Variants in ATRNL1 observed in about 807,000 individuals in gnomAD.
The protein encoded by ATRNL1 is attractin like 1, also known as attractin-like protein 1.
In ATRNL1, 95 loss-of-function variants were observed where a neutral mutation model predicts 182.7. The observed-to-expected ratio is 0.52, with a 90% confidence interval of 0.44 to 0.62. ATRNL1 has a LOEUF of 0.62. Ranked by LOEUF, ATRNL1 falls within the 20% of genes least tolerant of loss-of-function variation. ATRNL1 has a pLI of 0.00. For missense variants in ATRNL1, 1,471 were observed against 1,679.5 expected, an observed-to-expected ratio of 0.88 and a Z score of 2.17; for synonymous variants, 576 against 568.3, an observed-to-expected ratio of 1.01 and a Z score of -0.19.
intron 27 of ATRNL1, among the ~76,000 whole-genome samples, chr10:115,824,292 G>C (rs1950373840): frequency 1.3e-5 from 2 of 152,140 alleles, no homozygotes; most frequent in Non-Finnish European, 2.9e-5. Context: ...ATGGATTAAA[G>C]ACTTAAACAT....
At position 115,640,459 on chromosome 10, in the gene ATRNL1, G is replaced by A. The variant is rs187157415; in HGVS notation, c.3796-86789G>A. Among the ~76,000 whole-genome samples, 505 of 152,238 alleles carry A rather than the reference G, an allele frequency of 3.3e-3. 1 individual carries two copies. Among genetic ancestry groups the A allele is most frequent in the Non-Finnish European group, 5.2e-3 (356 of 68,018 alleles). ...CTCTGTTGTTTCCTGACTTTTTAGTGATCGCCATTCAAACTGGCATGAGAT... is the reference window on the plus strand; with the variant it reads ...CTCTGTTGTTTCCTGACTTTTTAGTAATCGCCATTCAAACTGGCATGAGAT... On this transcript the variant is annotated intron_variant, in intron 26 of 28. Coordinates refer to ENST00000355044, the MANE Select transcript of ATRNL1 (RefSeq NM_207303.4).
chr10:115,596,672 T>C (rs924485537), intron 26 of ATRNL1, among the ~76,000 whole-genome samples: 9 of 152,186 alleles, frequency 5.9e-5, no homozygotes, highest in African/African-American at 1.9e-4. Context: ...TAGGACAGTA[T>C]TGGAAACCCG....
intron 28 of ATRNL1, among the ~76,000 whole-genome samples, chr10:115,873,832 TATTA>T (rs1262844895): frequency 6.6e-6 from 1 of 152,212 alleles, no homozygotes; most frequent in African/African-American, 2.4e-5. Flanking sequence ...TGAGTGACTT[TATTA>T]ATTTTAGTGT....
chr10:115,637,603 C>CTATTATTATTATTATTAT (rs3087071), intron 26 of ATRNL1, among the ~76,000 whole-genome samples: 100 of 141,816 alleles, frequency 7.1e-4, no homozygotes, highest in Admixed American at 3.2e-3. Flanking sequence ...CAATTTATTA[C>CTATTATTATTATTATTAT]TATTATTATT....
chr10:115,527,421 A>G (rs1851279938), intron 25 of ATRNL1, among the ~76,000 whole-genome samples: 1 of 152,152 alleles, frequency 6.6e-6, no homozygotes, highest in African/African-American at 2.4e-5. Flanking sequence ...GTCCCCAGCC[A>G]GAGAAGTATA....
At chr10:115,286,080 T>G (rs1852598102) in intron 14 of ATRNL1, 136 bp from the exon 15 acceptor site, 1 of 530,790 alleles carries the variant, frequency 1.9e-6, no homozygotes, top group Admixed American at 3.7e-5. Context: ...TAGAAAAATT[T>G]ATTTGAAATA....
At chr10:115,606,029 G>T (rs1163984186) in intron 26 of ATRNL1, among the ~76,000 whole-genome samples, 4 of 151,894 alleles carry the variant, frequency 2.6e-5, no homozygotes, top group Non-Finnish European at 4.4e-5. Context: ...GAAAATTAAG[G>T]ATATTTTTAT....
At chr10:115,656,504 G>T (rs1349220821) in intron 26 of ATRNL1, among the ~76,000 whole-genome samples, 1 of 152,182 alleles carries the variant, frequency 6.6e-6, no homozygotes, top group Non-Finnish European at 1.5e-5. Context: ...GGGTGTGTGT[G>T]TGAGTGCGCC....
intron 27 of ATRNL1, among the ~76,000 whole-genome samples, chr10:115,748,038 G>A (rs1358547022): frequency 2.0e-5 from 3 of 151,978 alleles, no homozygotes; most frequent in Non-Finnish European, 4.4e-5. Flanking sequence ...TGAATTTGGG[G>A]GAGGATACAA....
intron 27 of ATRNL1, among the ~76,000 whole-genome samples, chr10:115,768,439 C>G (rs148655156): frequency 1.6e-4 from 24 of 152,200 alleles, no homozygotes; most frequent in Admixed American, 1.6e-3. Flanking sequence ...AAGGCCCTAT[C>G]AAATCACCAT....
At chr10:115,109,996 T>G (rs535844438) in intron 1 of ATRNL1, among the ~76,000 whole-genome samples, 1 of 152,294 alleles carries the variant, frequency 6.6e-6, no homozygotes, top group African/African-American at 2.4e-5. Context: ...TTCTAGGGTA[T>G]CTTATATAGT....
At chr10:115,432,937 G>A (rs1846237161) in intron 21 of ATRNL1, among the ~76,000 whole-genome samples, 1 of 151,934 alleles carries the variant, frequency 6.6e-6, no homozygotes, top group South Asian at 2.1e-4. Context: ...AAAGTAGAAT[G>A]AGAGTACATA....
At chr10:115,103,729 C>T (rs782317296) in intron 1 of ATRNL1, among the ~76,000 whole-genome samples, 1 of 152,188 alleles carries the variant, frequency 6.6e-6, no homozygotes, top group Non-Finnish European at 1.5e-5. Flanking sequence ...CATCATTCTA[C>T]TCTGTCTCCA....
At chr10:115,886,822 C>T (rs138452518) in intron 28 of ATRNL1, among the ~76,000 whole-genome samples, 2 of 152,312 alleles carry the variant, frequency 1.3e-5, no homozygotes, top group East Asian at 3.9e-4. Flanking sequence ...CATCATTATG[C>T]ATATCCTTAG....
chr10:115,203,444 C>A (rs1451592907), intron 8 of ATRNL1, among the ~76,000 whole-genome samples: 1 of 152,000 alleles, frequency 6.6e-6, no homozygotes, highest in Non-Finnish European at 1.5e-5. Flanking sequence ...TATGGAAAGG[C>A]AAGCTAGGAA....
intron 26 of ATRNL1, among the ~76,000 whole-genome samples, chr10:115,685,406 T>A (rs111781804): frequency 2.0e-5 from 3 of 151,884 alleles, no homozygotes; most frequent in African/African-American, 7.2e-5. Flanking sequence ...GACTACCTCG[T>A]GGATTGTTAA....
At chr10:115,830,663 G>C (rs1555093335) in intron 27 of ATRNL1, among the ~76,000 whole-genome samples, 1 of 152,264 alleles carries the variant, frequency 6.6e-6, no homozygotes, top group South Asian at 2.1e-4. Flanking sequence ...AGGTGCAGAG[G>C]TGTGAGTGTT....
intron 9 of ATRNL1, among the ~76,000 whole-genome samples, chr10:115,228,709 T>C (rs1849798782): frequency 6.6e-6 from 1 of 151,980 alleles, no homozygotes; most frequent in Admixed American, 6.5e-5. Flanking sequence ...ACTTTTTATT[T>C]TTATTTTTAT....
chr10:115,298,138 A>G (rs1379463582), intron 15 of ATRNL1, among the ~76,000 whole-genome samples: 4 of 152,314 alleles, frequency 2.6e-5, no homozygotes, highest in African/African-American at 9.6e-5. Flanking sequence ...TCTTTATATA[A>G]AATGAATTCT....
Sources: allele counts gnomAD v4.1 joint callset (sites outside exome capture counted in the v4.1 genomes callset), GRCh38; gene constraint gnomAD v4.1.1; transcripts MANE v1.5; gene names NCBI Gene and HGNC (gene_info 2026-07-23, HGNC 2026-07-21).